The following OPHN1 variants were observed in gnomAD, a reference collection of about 807,000 sequenced individuals.
The protein encoded by OPHN1 is oligophrenin-1.
A neutral mutation model predicts 60.7 loss-of-function variants in OPHN1; 11 were observed. The observed-to-expected ratio is 0.18, with a 90% confidence interval of 0.11 to 0.30. The LOEUF (loss-of-function observed/expected upper bound fraction) is 0.30. OPHN1 is among the 10% of genes least tolerant of loss of function. The pLI is 1.00. For missense variants in OPHN1, 449 were observed against 611.0 expected, an observed-to-expected ratio of 0.73 and a Z score of 2.80; for synonymous variants, 226 against 222.6, an observed-to-expected ratio of 1.02 and a Z score of -0.14.
intron 17 of OPHN1, chrX:68,112,251 G>GA (rs1156864206): frequency 2.1e-4 from 45 of 213,929 alleles, no homozygotes; most frequent in African/African-American, 2.7e-4. Flanking sequence ...CAGAAAAAGA[G>GA]AAAAAAAACA....
chrX:68,075,286 G>A (rs1165385140), intron 19 of OPHN1, among the ~76,000 whole-genome samples: 1 of 112,438 alleles, frequency 8.9e-6, no homozygotes, highest in East Asian at 2.8e-4. Flanking sequence ...AATTTGCAAG[G>A]CAAAGTGCCA....
chrX:68,084,858 C>T lies in OPHN1; in HGVS notation c.1687-11559G>A, dbSNP rs774778580. Among the ~76,000 whole-genome samples the T allele has an allele frequency of 1.8e-4, 20 of 111,981 alleles. No homozygotes were observed. In the East Asian group the frequency reaches 4.5e-3, roughly 25 times the overall value. On this transcript the variant is annotated intron_variant, in intron 19 of 24. Transcript: ENST00000355520. Reference sequence around the variant, plus strand: ...AGAAGGTGCTTGGTAGGCTTAAAACCACACTCTCTTTAAGTGAGAAAAGTC... The same window carrying T: ...AGAAGGTGCTTGGTAGGCTTAAAACTACACTCTCTTTAAGTGAGAAAAGTC...
chrX:68,393,967 C>A (rs750874594), intron 2 of OPHN1, among the ~76,000 whole-genome samples: 1 of 87,582 alleles, frequency 1.1e-5, no homozygotes, highest in East Asian at 4.2e-4. Flanking sequence ...GCGATCTCGG[C>A]TCACTGCAAG....
chrX:68,122,971 C>T (rs967897648), intron 15 of OPHN1, among the ~76,000 whole-genome samples: 6 of 111,068 alleles, frequency 5.4e-5, no homozygotes, highest in Middle Eastern at 4.7e-3. Context: ...CTTTGAAGTA[C>T]AAGACGGTTA....
At chrX:68,084,125 A>C (rs1340004982) in intron 19 of OPHN1, among the ~76,000 whole-genome samples, 1 of 110,388 alleles carries the variant, frequency 9.1e-6, no homozygotes, top group Non-Finnish European at 1.9e-5. Context: ...CAACATTCAA[A>C]TTGTTTTTAA....
intron 19 of OPHN1, among the ~76,000 whole-genome samples, chrX:68,073,731 G>A (rs2076943890): frequency 9.0e-6 from 1 of 111,521 alleles, no homozygotes; most frequent in African/African-American, 3.3e-5. Flanking sequence ...GGACATGGAA[G>A]GAGACTAAAC....
intron 2 of OPHN1, among the ~76,000 whole-genome samples, chrX:68,343,225 G>A (rs763690117): frequency 1.0e-5 from 1 of 99,382 alleles, no homozygotes; most frequent in East Asian, 3.6e-4. Context: ...AGTGAGTCGA[G>A]ATCATGCCAT....
chrX:68,179,954 T>A (rs1057237832), intron 15 of OPHN1, among the ~76,000 whole-genome samples: 1 of 111,408 alleles, frequency 9.0e-6, no homozygotes, highest in Non-Finnish European at 1.9e-5. Context: ...ACAGCCCTCA[T>A]GACTTAATCA....
intron 15 of OPHN1, among the ~76,000 whole-genome samples, chrX:68,145,940 T>C (rs1311969238): frequency 9.0e-6 from 1 of 111,710 alleles, no homozygotes; most frequent in Non-Finnish European, 1.9e-5. Context: ...TTTCATTAGC[T>C]TATTGTCTAC....
At chrX:68,284,820 AACCAT>A (rs2078033685) in intron 3 of OPHN1, among the ~76,000 whole-genome samples, 1 of 111,963 alleles carries the variant, frequency 8.9e-6, no homozygotes, top group Non-Finnish European at 1.9e-5. Context: ...TGGTTTATGC[AACCAT>A]GAACATTTGT....
At chrX:68,068,452 C>T (rs763489554) in intron 20 of OPHN1, among the ~76,000 whole-genome samples, 1 of 77,932 alleles carries the variant, frequency 1.3e-5, no homozygotes, top group African/African-American at 4.8e-5. Flanking sequence ...GCCCAGGCGA[C>T]ACTGTGAGAC....
intron 19 of OPHN1, among the ~76,000 whole-genome samples, chrX:68,084,474 C>T (rs1435547589): frequency 9.2e-6 from 1 of 108,988 alleles, no homozygotes; most frequent in African/African-American, 3.4e-5. Context: ...AATTTTCAGA[C>T]CGGAGCAATA....
intron 10 of OPHN1, among the ~76,000 whole-genome samples, chrX:68,201,921 C>T (rs1261599786): frequency 9.0e-6 from 1 of 111,389 alleles, no homozygotes; most frequent in Non-Finnish European, 1.9e-5. Context: ...ATGGCTGAGA[C>T]CAGGAGAAAT....
At chrX:68,309,536 G>C (rs1234600902) in intron 2 of OPHN1, among the ~76,000 whole-genome samples, 1 of 111,938 alleles carries the variant, frequency 8.9e-6, no homozygotes, top group Non-Finnish European at 1.9e-5. Context: ...GATATACTCA[G>C]TTCTCATTAT....
At chrX:68,109,677 CT>C (rs1246044891) in intron 18 of OPHN1, among the ~76,000 whole-genome samples, 1 of 111,321 alleles carries the variant, frequency 9.0e-6, no homozygotes, top group Non-Finnish European at 1.9e-5. Flanking sequence ...TTATTTTCCT[CT>C]TTTTTCTTAC....
At chrX:68,274,175 G>T (rs779362354) in intron 5 of OPHN1, among the ~76,000 whole-genome samples, 3 of 111,616 alleles carry the variant, frequency 2.7e-5, no homozygotes, top group Middle Eastern at 4.6e-3. Flanking sequence ...AATTTAGGTG[G>T]GGACACAGAT....
chrX:68,398,553 T>G (rs957148399), intron 2 of OPHN1, among the ~76,000 whole-genome samples: 2 of 111,924 alleles, frequency 1.8e-5, no homozygotes, highest in Admixed American at 9.6e-5. Flanking sequence ...CTGGTCCGCC[T>G]GTCTTGAATT....
At chrX:68,298,811 C>T (rs1391219555) in intron 3 of OPHN1, among the ~76,000 whole-genome samples, 190 bp downstream of exon 3, 1 of 112,033 alleles carries the variant, frequency 8.9e-6, no homozygotes, top group African/African-American at 3.2e-5. Context: ...CTTTTGATTG[C>T]TGTCGTGTGA....
chrX:68,090,918 C>T (rs1165036195), intron 19 of OPHN1, among the ~76,000 whole-genome samples: 2 of 111,678 alleles, frequency 1.8e-5, no homozygotes, highest in Non-Finnish European at 3.8e-5. Flanking sequence ...GAAAACTATA[C>T]TTAACACAGT....
Sources: allele counts gnomAD v4.1 joint callset (sites outside exome capture counted in the v4.1 genomes callset), GRCh38; gene constraint gnomAD v4.1.1; transcripts MANE v1.5; gene names NCBI Gene and HGNC (gene_info 2026-07-23, HGNC 2026-07-21).